The following HIVEP2 variants were observed in gnomAD, a reference collection of about 807,000 sequenced individuals.
The protein encoded by HIVEP2 is transcription factor HIVEP2.
HIVEP2 carries 14 observed loss-of-function variants against 180.7 expected under a neutral mutation model. That is an observed-to-expected ratio of 0.08 (90% CI 0.05 to 0.12). The LOEUF is 0.12. HIVEP2 is among the 10% of genes least tolerant of loss of function. The pLI is 1.00. For synonymous variants in HIVEP2, 1,184 were observed against 1,136.4 expected (o/e 1.04, Z -0.84); for missense variants, 2,579 against 3,008.5 (o/e 0.86, Z 3.34).
chr6:142,798,738 T>C (rs1389027174), intron 2 of HIVEP2, among the ~76,000 whole-genome samples: 1 of 152,188 alleles, frequency 6.6e-6, no homozygotes, highest in Non-Finnish European at 1.5e-5. Context: ...GTCCCAATTC[T>C]AATGCACAAT....
At chr6:142,767,418 C>T (rs1775404471) in intron 6 of HIVEP2, among the ~76,000 whole-genome samples, 2 of 152,104 alleles carry the variant, frequency 1.3e-5, no homozygotes, top group African/African-American at 4.8e-5. Flanking sequence ...ATCTCCAAAC[C>T]GGTAATGCTA....
intron 7 of HIVEP2, 82 bp downstream of exon 7, chr6:142,764,717 G>T: frequency 1.1e-6 from 1 of 951,342 alleles, no homozygotes; most frequent in Non-Finnish European, 1.6e-6. Flanking sequence ...TATTGTTGAT[G>T]AAGGTTAGTT....
At chr6:142,755,758 T>A (rs1775049575) in intron 9 of HIVEP2, among the ~76,000 whole-genome samples, 1 of 152,234 alleles carries the variant, frequency 6.6e-6, no homozygotes, top group Admixed American at 6.5e-5. Context: ...TTAGTGCTAC[T>A]AATGAAAGTT....
In HIVEP2 at chr6:142,760,171, G is replaced by T; in HGVS notation, c.6117C>A (p.Phe2039Leu). The change falls in exon 9 of 10, where the codon TTC becomes TTA. Residue 2039 changes from phenylalanine to leucine, a missense_variant. Transcript: ENST00000367603. ...GAGAGGAATGGTGGCTTGAGGGTGA[G>T]AAGTCCCTGGGAGAGGAGCTTGGCT... is the stretch of plus-strand genomic sequence containing the variant. ...PSEPSSSPRD[F>L]SPSSHHSSPG... The T allele has an allele frequency of 6.2e-7, 1 of 1,614,156 alleles. No individual in the cohort carries two copies. Among genetic ancestry groups the T allele is most frequent in the Non-Finnish European group, 8.5e-7 (1 of 1,180,012 alleles).
chr6:142,776,167 A>G lies in HIVEP2; in HGVS notation c.-408T>C, dbSNP rs2114671444. On this transcript the variant is annotated 5_prime_UTR_variant, in exon 4 of 10. Coordinates refer to ENST00000367603, the MANE Select transcript of HIVEP2 (RefSeq NM_006734.4). ...ATTACCTGAACAGTTTAGAGTTCTT[A>G]TGGGCATGATTGTCCTGACGCTTCC... is the stretch of plus-strand genomic sequence containing the variant. 6.5e-6 allele frequency: 1 copy of G among 152,740 alleles called. No individual in the cohort carries two copies. Among genetic ancestry groups the G allele is most frequent in the Middle Eastern group, 3.4e-3 (1 of 294 alleles). 9.5% of individuals were successfully genotyped at this position (152,740 alleles called of 1,614,324 possible). A position where few individuals can be genotyped will look rare whatever the true frequency, so the allele number is the denominator to read the frequency against.
At chr6:142,881,483 G>T (rs1484219676) in intron 1 of HIVEP2, among the ~76,000 whole-genome samples, 4 of 152,134 alleles carry the variant, frequency 2.6e-5, no homozygotes, top group Non-Finnish European at 5.9e-5. Flanking sequence ...TGTTATTAGA[G>T]TACATTCCTG....
chr6:142,771,775 G>A lies in HIVEP2; in HGVS notation c.2964C>T (p.Thr988=), dbSNP rs1775552423. Residue 988 remains threonine, a synonymous_variant, in exon 5 of 10, where the codon ACC becomes ACT. Transcript: ENST00000367603. This position sits in a 1 kb window ranked among gnomAD's most constrained non-coding sequence, Gnocchi z 5.4. The stretch of plus-strand genomic sequence containing the variant: ...GCTTAGGAAGTGCAGAAAGCTTACT[G>A]GTTTCTTCTCTTTCAAAAGACATGG... ...SFSMSFEREE[T]SKLSALPKQD... is the part of the protein sequence containing the mutation. The A allele has an allele frequency of 6.2e-7, 1 of 1,614,068 alleles. No homozygotes were observed. Among genetic ancestry groups the A allele is most frequent in the Non-Finnish European group, 8.5e-7 (1 of 1,180,048 alleles).
chr6:142,903,190 G>A (rs538299938), intron 1 of HIVEP2, among the ~76,000 whole-genome samples: 2 of 152,250 alleles, frequency 1.3e-5, no homozygotes, highest in African/African-American at 2.4e-5. Context: ...ATGTTCATTG[G>A]AGACACTTAA....
chr6:142,867,238 T>C (rs1582926267), intron 1 of HIVEP2, among the ~76,000 whole-genome samples: 2 of 152,298 alleles, frequency 1.3e-5, no homozygotes, highest in Admixed American at 6.5e-5. Context: ...TGCTATTAAG[T>C]ATCAAGTTTT....
chr6:142,796,261 G>T (rs936791756), intron 2 of HIVEP2, among the ~76,000 whole-genome samples: 1 of 152,020 alleles, frequency 6.6e-6, no homozygotes, highest in Non-Finnish European at 1.5e-5. Flanking sequence ...GTTGACTCTT[G>T]AATGCCGCAG....
At chr6:142,940,834 G>A (rs180790281) in intron 1 of HIVEP2, among the ~76,000 whole-genome samples, 3 of 152,286 alleles carry the variant, frequency 2.0e-5, no homozygotes, top group Non-Finnish European at 4.4e-5. Flanking sequence ...TTGGCCCTGG[G>A]TACTTCCTGA....
At chr6:142,908,362 A>G (rs1777319686) in intron 1 of HIVEP2, among the ~76,000 whole-genome samples, 1 of 152,158 alleles carries the variant, frequency 6.6e-6, no homozygotes, top group Admixed American at 6.6e-5. Flanking sequence ...TGGTTCATGC[A>G]ATTGGTCTTT....
At chr6:142,809,257 C>T (rs1776630826) in intron 2 of HIVEP2, among the ~76,000 whole-genome samples, 1 of 152,120 alleles carries the variant, frequency 6.6e-6, no homozygotes, top group Admixed American at 6.6e-5. Flanking sequence ...AAGGTCATCA[C>T]CTCTTACTCC....
intron 2 of HIVEP2, among the ~76,000 whole-genome samples, chr6:142,796,895 G>A (rs1173158643): frequency 1.3e-5 from 2 of 152,144 alleles, no homozygotes; most frequent in African/African-American, 4.8e-5. Flanking sequence ...CACTGCAGTA[G>A]CAACAGGAGG....
chr6:142,805,117 G>T (rs1776514419), intron 2 of HIVEP2, among the ~76,000 whole-genome samples: 1 of 152,088 alleles, frequency 6.6e-6, no homozygotes, highest in Admixed American at 6.5e-5. Flanking sequence ...CATACACCAG[G>T]TATAATAAAA....
chr6:142,860,921 C>G (rs1775962167), intron 1 of HIVEP2, among the ~76,000 whole-genome samples: 1 of 152,150 alleles, frequency 6.6e-6, no homozygotes, highest in Admixed American at 6.5e-5. Context: ...TGAGAGGAAG[C>G]TTCTTTAATT....
chr6:142,782,642 G>T (rs769537577), intron 3 of HIVEP2, among the ~76,000 whole-genome samples: 1 of 152,180 alleles, frequency 6.6e-6, no homozygotes, highest in Non-Finnish European at 1.5e-5. Flanking sequence ...ATACAATCCT[G>T]CCAAGCAATT....
At chr6:142,823,536 T>A (rs1366787859) in intron 2 of HIVEP2, among the ~76,000 whole-genome samples, 1 of 151,994 alleles carries the variant, frequency 6.6e-6, no homozygotes, top group Admixed American at 6.6e-5. Context: ...GACTTAAGAG[T>A]CATTTCTCTC....
intron 1 of HIVEP2, among the ~76,000 whole-genome samples, chr6:142,912,173 C>T (rs1320698961): frequency 1.3e-5 from 2 of 152,208 alleles, no homozygotes; most frequent in Admixed American, 1.3e-4. Context: ...TGCACGGCCA[C>T]ATTTCAAGTA....
Sources: gnomAD v4.1 joint callset for allele counts (sites outside exome capture counted in the v4.1 genomes callset) on GRCh38, gnomAD v4.1.1 for gene constraint, Gnocchi (gnomAD v3.1) non-coding constraint, MANE v1.5 for transcripts, NCBI Gene and HGNC (gene_info 2026-07-23, HGNC 2026-07-21) for gene names.